The following CDCA7L variants were observed in gnomAD, a reference collection of about 807,000 sequenced individuals.
CDCA7L encodes cell division cycle associated 7 like.
A neutral mutation model predicts 57.4 loss-of-function variants in CDCA7L; 44 were observed. That is an observed-to-expected ratio of 0.77 (90% CI 0.60 to 0.98). CDCA7L has a LOEUF of 0.98. Among genes scored for constraint, CDCA7L ranks in the 50% least tolerant of loss-of-function variants. CDCA7L has a pLI of 0.00. For synonymous variants in CDCA7L, 236 were observed against 202.8 expected (o/e 1.16, Z -1.39); for missense variants, 644 against 580.6 (o/e 1.11, Z -1.12).
chr7:21,908,998 C>T (rs1409221639), intron 3 of CDCA7L, among the ~76,000 whole-genome samples: 1 of 152,166 alleles, frequency 6.6e-6, no homozygotes, highest in Non-Finnish European at 1.5e-5. Flanking sequence ...GGGCAGTGAC[C>T]CAGGACAGGC....
intron 1 of CDCA7L, chr7:21,940,399 G>A (rs1178956330): frequency 1.7e-6 from 1 of 593,794 alleles, no homozygotes; most frequent in Non-Finnish European, 2.1e-6. Flanking sequence ...TCCATTCAAT[G>A]GATATTTATT....
intron 1 of CDCA7L, among the ~76,000 whole-genome samples, chr7:21,921,631 T>G (rs535409617): frequency 4.7e-4 from 72 of 151,702 alleles, no homozygotes; most frequent in Admixed American, 9.8e-4. Flanking sequence ...TCCATTCTAT[T>G]ACAATAAAGC....
intron 1 of CDCA7L, among the ~76,000 whole-genome samples, chr7:21,927,626 A>T (rs1393864883): frequency 6.6e-6 from 1 of 152,212 alleles, no homozygotes; most frequent in Admixed American, 6.5e-5. Context: ...CAGTGGATGA[A>T]AACTCCCCAA....
At chr7:21,918,113 A>G (rs1785543341) in intron 1 of CDCA7L, among the ~76,000 whole-genome samples, 1 of 152,244 alleles carries the variant, frequency 6.6e-6, no homozygotes, top group Non-Finnish European at 1.5e-5. Context: ...CATTCTACAT[A>G]GGTGACATGT....
chr7:21,927,086 G>T (rs997657093), intron 1 of CDCA7L, among the ~76,000 whole-genome samples: 3 of 152,102 alleles, frequency 2.0e-5, no homozygotes, highest in African/African-American at 7.2e-5. Context: ...GCCACTTCTC[G>T]AATATTTAAT....
At chr7:21,940,278 C>G in intron 1 of CDCA7L, 1 of 983,034 alleles carries the variant, frequency 1.0e-6, no homozygotes, top group Non-Finnish European at 1.2e-6. Flanking sequence ...GGAAAAGAAC[C>G]AGCCCTGATG....
At chr7:21,912,214 C>T (rs1026676705) in intron 2 of CDCA7L, among the ~76,000 whole-genome samples, 1 of 152,076 alleles carries the variant, frequency 6.6e-6, no homozygotes, top group African/African-American at 2.4e-5. Flanking sequence ...GTGAGCTGCA[C>T]ACCAATGCAC....
At chr7:21,905,367 CT>C in intron 7 of CDCA7L, 138 bp downstream of exon 7, 1 of 922,772 alleles carries the variant, frequency 1.1e-6, no homozygotes, top group South Asian at 1.7e-5. Flanking sequence ...GTACAGCTGA[CT>C]TTTGACCCTC....
In CDCA7L at chr7:21,901,400, CAGAAAAAAATACTA is replaced by C; in HGVS notation, c.*908_*921del. 1.7e-6 allele frequency: 2 copies of C among 1,176,226 alleles called. No homozygotes were observed. The highest frequency in any genetic ancestry group is 2.2e-6 in the Non-Finnish European group (2 of 905,996). 72.9% of individuals were successfully genotyped at this position (1,176,226 alleles called of 1,614,324 possible). ...TCAACGCTATCCTTAGAGTGAAAGT[CAGAAAAAAATACTA>C]GAAACTAACTCAGGGCTGAGCGTGG... On this transcript the variant is annotated 3_prime_UTR_variant, in exon 10 of 10. Coordinates refer to ENST00000406877, the MANE Select transcript of CDCA7L (RefSeq NM_018719.5).
At chr7:21,926,877 C>T (rs1215644318) in intron 1 of CDCA7L, among the ~76,000 whole-genome samples, 1 of 151,860 alleles carries the variant, frequency 6.6e-6, no homozygotes, top group East Asian at 1.9e-4. Context: ...TGGCTCACAA[C>T]TAATAATAAT....
intron 1 of CDCA7L, among the ~76,000 whole-genome samples, chr7:21,928,517 G>C (rs1785894510): frequency 6.6e-6 from 1 of 151,974 alleles, no homozygotes; most frequent in African/African-American, 2.4e-5. Context: ...AGCTAAAGAA[G>C]CATGTTCTAA....
At chr7:21,907,770 G>C (rs1324384123) in intron 4 of CDCA7L, among the ~76,000 whole-genome samples, 1 of 152,132 alleles carries the variant, frequency 6.6e-6, no homozygotes, top group Non-Finnish European at 1.5e-5. Context: ...AGTGGACTTG[G>C]TGACATCCCA....
Position 21,933,652 on chromosome 7 carries a change from G to A in CDCA7L, c.24+12129C>T, listed in dbSNP as rs529011546. On this transcript the variant is annotated intron_variant, in intron 1 of 9. Coordinates refer to ENST00000406877, the MANE Select transcript of CDCA7L (RefSeq NM_018719.5). ...GGAACATCACACACTGGGGCCCGTC[G>A]GGGTTGGGGGACTAGAGGAGGGATA... Among the ~76,000 whole-genome samples the A allele has an allele frequency of 5.9e-4, 90 of 152,188 alleles. 1 individual carries two copies. Among genetic ancestry groups the A allele is most frequent in the African/African-American group, 2.1e-3 (87 of 41,534 alleles).
chr7:21,903,200 G>GGCCTCTCCT, intron 8 of CDCA7L, 86 bp from the exon 9 acceptor site: 1 of 1,338,852 alleles, frequency 7.5e-7, no homozygotes, highest in Non-Finnish European at 1.0e-6. Flanking sequence ...TGGCTCAGCT[G>GGCCTCTCCT]GCCTCTCCTC....
At chr7:21,945,509 C>A (rs928360251) in intron 1 of CDCA7L, among the ~76,000 whole-genome samples, 2 of 150,266 alleles carry the variant, frequency 1.3e-5, no homozygotes, top group African/African-American at 4.9e-5. Flanking sequence ...CCCGCCTGCA[C>A]CCCCGGCGGC....
chr7:21,922,627 C>G (rs1362756114), intron 1 of CDCA7L, among the ~76,000 whole-genome samples: 3 of 152,146 alleles, frequency 2.0e-5, no homozygotes, highest in African/African-American at 7.2e-5. Context: ...ATATTACCAA[C>G]AGTATTAATA....
chr7:21,922,923 C>T (rs765873074), intron 1 of CDCA7L, among the ~76,000 whole-genome samples: 3 of 152,096 alleles, frequency 2.0e-5, no homozygotes, highest in Non-Finnish European at 4.4e-5. Flanking sequence ...CTCGATAAAA[C>T]CAAGAACGGT....
intron 1 of CDCA7L, among the ~76,000 whole-genome samples, chr7:21,925,659 G>A (rs565916382): frequency 6.6e-6 from 1 of 152,270 alleles, no homozygotes; most frequent in South Asian, 2.1e-4. Flanking sequence ...GGAGACCAAG[G>A]CAGGAGGATC....
intron 1 of CDCA7L, among the ~76,000 whole-genome samples, chr7:21,924,600 C>A (rs1393255214): frequency 1.3e-5 from 2 of 152,262 alleles, no homozygotes; most frequent in East Asian, 3.9e-4. Flanking sequence ...ACCACAAGAA[C>A]TAACTCAAAA....
Sources: gnomAD v4.1 joint callset for allele counts (sites outside exome capture counted in the v4.1 genomes callset) on GRCh38, gnomAD v4.1.1 for gene constraint, MANE v1.5 for transcripts, NCBI Gene and HGNC (gene_info 2026-07-23, HGNC 2026-07-21) for gene names.